TIA1: variants seen among roughly 807,000 people sequenced by gnomAD.
The protein encoded by TIA1 is TIA1 cytotoxic granule associated RNA binding protein.
Under a neutral mutation model 65.9 loss-of-function variants are expected in TIA1, and 23 were observed. The observed-to-expected ratio is 0.35, with a 90% CI of 0.25 to 0.49. The LOEUF (loss-of-function observed/expected upper bound fraction) is 0.49, where lower values mean the gene tolerates loss of function less well. Among genes scored for constraint, TIA1 ranks in the 20% least tolerant of loss-of-function variants. The pLI, the probability that TIA1 is intolerant of heterozygous loss-of-function variation, is 0.98. For missense variants in TIA1, 371 were observed against 477.9 expected, an observed-to-expected ratio of 0.78 and a Z score of 2.09; for synonymous variants, 147 against 149.4, an observed-to-expected ratio of 0.98 and a Z score of 0.12.
chr2:70,218,481 G>C (rs1052295561), intron 7 of TIA1, among the ~76,000 whole-genome samples: 1 of 152,176 alleles, frequency 6.6e-6, no homozygotes, highest in Non-Finnish European at 1.5e-5. Flanking sequence ...TCCCAGGCTG[G>C]AGTGCAGTGG....
In TIA1 at chr2:70,211,917, T is replaced by TA. The variant is rs1676581304; in HGVS notation, c.*801dup. 6.6e-6 allele frequency: 1 copy of TA among 152,568 alleles called. No individual in the cohort carries two copies. The highest frequency in any genetic ancestry group is 1.5e-5 in the Non-Finnish European group (1 of 68,034). The allele number at this position is 152,568 out of a possible 1,614,324, so 9.5% of individuals were successfully genotyped here. A position where few individuals can be genotyped will look rare whatever the true frequency, so the allele number is the denominator to read the frequency against. On this transcript the variant is annotated 3_prime_UTR_variant, in exon 13 of 13. Transcript: ENST00000433529. ...CTTATCACATTTCAGATATTTTCTTTAGTAACAAGTTTTTGTTTTTATAGT... is the reference window on the plus strand; with the variant it reads ...CTTATCACATTTCAGATATTTTCTTTAAGTAACAAGTTTTTGTTTTTATAGT...
At position 70,228,636 on chromosome 2, in the gene TIA1, T is replaced by C. The variant is rs934756904; in HGVS notation, c.310+423A>G. 2.0e-5 allele frequency: 20 copies of C among 985,290 alleles called. No individual in the cohort carries two copies. The African/African-American group carries it at 2.8e-4, about 14-fold the overall frequency. The allele number at this position is 985,290 out of a possible 1,614,324, so 61.0% of individuals were successfully genotyped here. A position where few individuals can be genotyped will look rare whatever the true frequency, so the allele number is the denominator to read the frequency against. On this transcript the variant is annotated intron_variant, in intron 5 of 12. Transcript: ENST00000433529. ...GGACCAACACTTTAAAATGGACACA[T>C]ACATCAATTTGACAAAGCATATTTG...
chr2:70,227,986 A>T, intron 5 of TIA1, 164 bp from the exon 6 acceptor site: 2 of 455,306 alleles, frequency 4.4e-6, no homozygotes, highest in Non-Finnish European at 7.7e-6. Flanking sequence ...ATTTTAAACA[A>T]TGAATCAAGG....
intron 1 of TIA1, among the ~76,000 whole-genome samples, chr2:70,240,901 T>C (rs1029713172): frequency 6.7e-6 from 1 of 149,878 alleles, no homozygotes; most frequent in Non-Finnish European, 1.5e-5. Flanking sequence ...AAAAAGGACA[T>C]AAAAAACACT....
In TIA1 at chr2:70,216,354, T is replaced by C. The variant is rs1244047366; in HGVS notation, c.679+50A>G. Reference sequence around the variant, plus strand: ...AAGTTATATAAAAATCCTACAAATATTAAGCTTTGCACTTTAAAAATTAAT... The same window carrying C: ...AAGTTATATAAAAATCCTACAAATACTAAGCTTTGCACTTTAAAAATTAAT... On this transcript the variant is annotated intron_variant, in intron 9 of 12. Coordinates refer to ENST00000433529, the MANE Select transcript of TIA1 (RefSeq NM_022173.4). 5 of 1,585,950 alleles carry C rather than the reference T, an allele frequency of 3.2e-6. No homozygotes were observed. In the East Asian group the frequency reaches 6.7e-5, roughly 21 times the overall value.
intron 1 of TIA1, among the ~76,000 whole-genome samples, chr2:70,239,045 A>C (rs1025519946): frequency 6.6e-6 from 1 of 152,146 alleles, no homozygotes; most frequent in African/African-American, 2.4e-5. Context: ...ACTCCATCCC[A>C]GGTGACAGAG....
chr2:70,239,446 T>C (rs2104652959), intron 1 of TIA1, among the ~76,000 whole-genome samples: 1 of 152,250 alleles, frequency 6.6e-6, no homozygotes, highest in South Asian at 2.1e-4. Flanking sequence ...AGATTACCTC[T>C]AGTCATTTTA....
intron 2 of TIA1, among the ~76,000 whole-genome samples, chr2:70,235,572 A>ATG (rs1030295757): frequency 3.7e-5 from 3 of 82,134 alleles, no homozygotes; most frequent in Admixed American, 1.3e-4. Flanking sequence ...GTGTGTGTGT[A>ATG]TGTGTGTGTG....
intron 1 of TIA1, among the ~76,000 whole-genome samples, chr2:70,240,753 T>C (rs141764928): frequency 0.015 from 2,233 of 152,164 alleles, 30 homozygotes; most frequent in Non-Finnish European, 0.02. Flanking sequence ...ATGCCTGTAA[T>C]CCCAGCTACC....
intron 7 of TIA1, among the ~76,000 whole-genome samples, chr2:70,220,250 A>T (rs2104097631): frequency 6.6e-6 from 1 of 152,240 alleles, no homozygotes; most frequent in Admixed American, 6.5e-5. Context: ...TCTACAAAAA[A>T]TAGAAAAATT....
chr2:70,244,802 T>G (rs1364405989), intron 1 of TIA1, among the ~76,000 whole-genome samples: 4 of 126,710 alleles, frequency 3.2e-5, no homozygotes, highest in Non-Finnish European at 4.7e-5. Flanking sequence ...GCCACTGCAT[T>G]CCAGCCTGGG....
chr2:70,224,143 C>A (rs1046612038), intron 7 of TIA1, among the ~76,000 whole-genome samples: 1 of 151,766 alleles, frequency 6.6e-6, no homozygotes, highest in Non-Finnish European at 1.5e-5. Context: ...TTCTCAAAGT[C>A]CTGACCTCAG....
intron 1 of TIA1, among the ~76,000 whole-genome samples, chr2:70,238,260 GTTTTTTTTTTTTTTTTT>G (rs763865705): frequency 2.1e-5 from 2 of 94,596 alleles, no homozygotes; most frequent in African/African-American, 8.9e-5. Context: ...GTTCCCCCAA[GTTTTTTTTTTTTTTTTT>G]TTTTTTTTTT....
rs199977940 is a variant in TIA1 at position 70,245,914 on chromosome 2, A to ATTTTT, written c.26+2486_26+2490dup. On this transcript the variant is annotated intron_variant, in intron 1 of 12. Transcript: ENST00000433529. ...AATTCACTGCTTGAAATTCTACCAGATTTTTTTTTTTTTTTTTTTTTTTTT... is the reference window on the plus strand; with the variant it reads ...AATTCACTGCTTGAAATTCTACCAGATTTTTTTTTTTTTTTTTTTTTTTTTTTTTT... Among the ~76,000 whole-genome samples, 42 of 124,756 alleles carry ATTTTT rather than the reference A, an allele frequency of 3.4e-4. 3 individuals are homozygous for ATTTTT. The highest frequency in any genetic ancestry group is 1.0e-3 in the African/African-American group (31 of 31,040). 81.8% of individuals were successfully genotyped at this position (124,756 alleles called of 152,430 possible). A position where few individuals can be genotyped will look rare whatever the true frequency, so the allele number is the denominator to read the frequency against.
rs1573224800 is a variant in TIA1, at chr2:70,217,011, T to C, written c.475-17A>G. On this transcript the variant is annotated splice_polypyrimidine_tract_variant and intron_variant, in intron 7 of 12. Coordinates refer to ENST00000433529, the MANE Select transcript of TIA1 (RefSeq NM_022173.4). ...TTCAGCATCCTGTTCCGTACAACAT[T>C]AGAAACAATAAAGAAGTCACTATTA... 1 of 1,596,296 alleles carries C rather than the reference T, an allele frequency of 6.3e-7. No homozygotes were observed. Among genetic ancestry groups the C allele is most frequent in the African/African-American group, 1.4e-5 (1 of 74,030 alleles).
intron 5 of TIA1, chr2:70,228,518 A>T: frequency 8.6e-7 from 1 of 1,169,516 alleles, no homozygotes; most frequent in African/African-American, 1.7e-5. Flanking sequence ...GAACCATTAA[A>T]AAAGCATTGG....
chr2:70,246,332 A>G (rs1694290257), intron 1 of TIA1, among the ~76,000 whole-genome samples: 2 of 152,214 alleles, frequency 1.3e-5, no homozygotes, highest in Non-Finnish European at 2.9e-5. Flanking sequence ...TGCTAAGAAC[A>G]TATATTAAAA....
Position 70,216,212 on chromosome 2 carries a change from C to T in TIA1, c.760G>A (p.Val254Ile). 6.4e-7 allele frequency: 1 copy of T among 1,574,450 alleles called. No individual in the cohort carries two copies. Among genetic ancestry groups the T allele is most frequent in the Non-Finnish European group, 8.6e-7 (1 of 1,167,884 alleles). ...TTTTTAAAAAACCATCCCTACCGAA[C>T]AAATGAATATCCTTTATCTGGAAAG... Reference protein sequence around the residue: ...RVFPDKGYSFVRFNSHESAAH... With the variant: ...RVFPDKGYSFIRFNSHESAAH... Residue 254 changes from valine to isoleucine, a missense_variant, in exon 10 of 13, where the codon GTT (valine) becomes ATT (isoleucine). By Grantham distance (29) the Val-to-Ile change is conservative. Coordinates refer to ENST00000433529, the MANE Select transcript of TIA1 (RefSeq NM_022173.4).
intron 1 of TIA1, among the ~76,000 whole-genome samples, chr2:70,241,762 A>G (rs1344410579): frequency 6.6e-6 from 1 of 152,044 alleles, no homozygotes; most frequent in African/African-American, 2.4e-5. Context: ...CAACATAGTG[A>G]TATGCACCGT....
Sources: gnomAD v4.1 joint callset for allele counts (sites outside exome capture counted in the v4.1 genomes callset) on GRCh38, gnomAD v4.1.1 for gene constraint, MANE v1.5 for transcripts, NCBI Gene and HGNC (gene_info 2026-07-23, HGNC 2026-07-21) for gene names.